Variants in CACNA2D3 observed in about 807,000 individuals in gnomAD.
CACNA2D3 encodes calcium voltage-gated channel auxiliary subunit alpha2delta 3.
In CACNA2D3, 60 loss-of-function variants were observed where a neutral mutation model predicts 160.6. The observed-to-expected ratio is 0.37, with a 90% CI of 0.30 to 0.46. The LOEUF (loss-of-function observed/expected upper bound fraction) is 0.46. Among genes scored for constraint, CACNA2D3 ranks in the 20% least tolerant of loss-of-function variants. The pLI is 1.00. For missense variants in CACNA2D3, 1,205 were observed against 1,365.0 expected, an observed-to-expected ratio of 0.88 and a Z score of 1.85; for synonymous variants, 558 against 492.9, an observed-to-expected ratio of 1.13 and a Z score of -1.75.
chr3:54,653,128 A>C (rs984216372), intron 11 of CACNA2D3, among the ~76,000 whole-genome samples: 1 of 152,118 alleles, frequency 6.6e-6, no homozygotes, highest in African/African-American at 2.4e-5. Flanking sequence ...CTGTTTTCAG[A>C]AGGGCTCTCT....
At chr3:54,739,202 C>A (rs1701590953) in intron 11 of CACNA2D3, among the ~76,000 whole-genome samples, 1 of 151,770 alleles carries the variant, frequency 6.6e-6, no homozygotes, top group South Asian at 2.1e-4. Context: ...AGTGGATCAC[C>A]TGAGGTCAGG....
chr3:54,462,496 T>C (rs966313700), intron 4 of CACNA2D3, among the ~76,000 whole-genome samples: 4 of 152,218 alleles, frequency 2.6e-5, no homozygotes, highest in South Asian at 2.1e-4. Flanking sequence ...TAGTTAGCTC[T>C]TCTTGTTGAA....
At position 54,356,470 on chromosome 3, in the gene CACNA2D3, C is replaced by T. The variant is rs137991293; in HGVS notation, c.322-30245C>T. Among the ~76,000 whole-genome samples the T allele has an allele frequency of 4.4e-3, 663 of 152,262 alleles. 7 individuals are homozygous for T. Among genetic ancestry groups the T allele is most frequent in the African/African-American group, 0.014 (599 of 41,530 alleles). On this transcript the variant is annotated intron_variant, in intron 3 of 37. Transcript: ENST00000474759. ...GTACCTAATGAATCTTTATTGGCACCGAGGTCTAACCTTGACACAGTGTGG... is the reference window on the plus strand; with the variant it reads ...GTACCTAATGAATCTTTATTGGCACTGAGGTCTAACCTTGACACAGTGTGG...
In CACNA2D3 at chr3:54,497,670, T is replaced by G. The variant is rs564455875; in HGVS notation, c.382-5822T>G. On this transcript the variant is annotated intron_variant, in intron 4 of 37. Transcript: ENST00000474759. ...ACAGAAGTGGTAAGACAACCTTGCC[T>G]TATTCCTGATCTTAGGGGGAAAACA... 2.0e-5 allele frequency among the ~76,000 whole-genome samples: 3 copies of G among 152,164 alleles called. No homozygotes were observed. The East Asian group carries it at 5.8e-4, about 29-fold the overall frequency.
At chr3:54,656,104 A>G (rs1030300646) in intron 11 of CACNA2D3, among the ~76,000 whole-genome samples, 2 of 152,182 alleles carry the variant, frequency 1.3e-5, no homozygotes, top group African/African-American at 4.8e-5. Context: ...ATTATGGTCC[A>G]TGGGACCCTG....
intron 2 of CACNA2D3, among the ~76,000 whole-genome samples, chr3:54,159,813 G>C (rs949922715): frequency 6.6e-6 from 1 of 152,036 alleles, no homozygotes; most frequent in Non-Finnish European, 1.5e-5. Flanking sequence ...TTGCAATTTG[G>C]GGGAGATAGA....
chr3:54,809,818 A>G (rs777636272), intron 13 of CACNA2D3, among the ~76,000 whole-genome samples: 12 of 151,016 alleles, frequency 7.9e-5, no homozygotes, highest in Non-Finnish European at 1.6e-4. Context: ...CAACAAATAT[A>G]CACTGAATTC....
rs149041764 is a variant in CACNA2D3 at position 54,603,684 on chromosome 3, C to T, written c.963+21807C>T. ...AAGAGGAGCACATCCACAGCAATGA[C>T]GCTTTGTCTGTGGAATGATGTTTTC... On this transcript the variant is annotated intron_variant, in intron 9 of 37. Coordinates refer to ENST00000474759, the MANE Select transcript of CACNA2D3 (RefSeq NM_018398.3). Among the ~76,000 whole-genome samples, 314 of 152,328 alleles carry T rather than the reference C, an allele frequency of 2.1e-3. 1 individual carries two copies. The highest frequency in any genetic ancestry group is 6.4e-3 in the African/African-American group (264 of 41,574).
intron 13 of CACNA2D3, among the ~76,000 whole-genome samples, chr3:54,790,515 A>G (rs1702732159): frequency 6.6e-6 from 1 of 152,210 alleles, no homozygotes; most frequent in African/African-American, 2.4e-5. Flanking sequence ...TGTGTCATCT[A>G]AAGGTATTTG....
chr3:54,246,271 G>C (rs1702074178), intron 2 of CACNA2D3, among the ~76,000 whole-genome samples: 1 of 152,148 alleles, frequency 6.6e-6, no homozygotes, highest in Non-Finnish European at 1.5e-5. Flanking sequence ...TCTTAGATAG[G>C]TTCCTCTATT....
chr3:54,745,114 A>G (rs1701729782), intron 11 of CACNA2D3, among the ~76,000 whole-genome samples: 1 of 152,242 alleles, frequency 6.6e-6, no homozygotes, highest in Admixed American at 6.5e-5. Flanking sequence ...AAGGCATGCC[A>G]TACCATGAAG....
At chr3:54,217,238 A>T (rs1304954876) in intron 2 of CACNA2D3, among the ~76,000 whole-genome samples, 1 of 152,042 alleles carries the variant, frequency 6.6e-6, no homozygotes, top group Non-Finnish European at 1.5e-5. Context: ...GGGGACAGGC[A>T]TGGTCTCTGG....
chr3:54,190,155 G>A (rs1239381645), intron 2 of CACNA2D3, among the ~76,000 whole-genome samples: 1 of 152,160 alleles, frequency 6.6e-6, no homozygotes, highest in African/African-American at 2.4e-5. Context: ...TTATTCCTAT[G>A]GGTGGAGCCC....
intron 4 of CACNA2D3, among the ~76,000 whole-genome samples, chr3:54,493,264 A>G (rs1279200770): frequency 1.3e-5 from 2 of 151,684 alleles, no homozygotes; most frequent in Non-Finnish European, 2.9e-5. Context: ...TTTAATAGAG[A>G]CAGGGTTTCA....
chr3:55,046,024 A>C (rs534735847), intron 35 of CACNA2D3, among the ~76,000 whole-genome samples: 1 of 152,116 alleles, frequency 6.6e-6, no homozygotes, highest in Non-Finnish European at 1.5e-5. Context: ...ATTTAATATT[A>C]GAAATTTTCT....
At chr3:54,696,164 T>G (rs1206521604) in intron 11 of CACNA2D3, among the ~76,000 whole-genome samples, 1 of 152,174 alleles carries the variant, frequency 6.6e-6, no homozygotes, top group Non-Finnish European at 1.5e-5. Flanking sequence ...GTAGTTTCCA[T>G]TATAGTTGCC....
intron 27 of CACNA2D3, among the ~76,000 whole-genome samples, chr3:54,917,231 G>C (rs1376269474): frequency 6.6e-6 from 1 of 152,136 alleles, no homozygotes; most frequent in Non-Finnish European, 1.5e-5. Context: ...TAAATAGCCA[G>C]CTCCCCTACT....
intron 4 of CACNA2D3, among the ~76,000 whole-genome samples, chr3:54,437,997 G>A (rs1229066066): frequency 6.6e-6 from 1 of 152,144 alleles, no homozygotes; most frequent in Non-Finnish European, 1.5e-5. Context: ...TTTACACAGT[G>A]TATATATGAG....
chr3:54,326,406 G>A (rs1704122537), intron 3 of CACNA2D3, among the ~76,000 whole-genome samples: 1 of 152,118 alleles, frequency 6.6e-6, no homozygotes, highest in Non-Finnish European at 1.5e-5. Context: ...TATATACAGT[G>A]AGGCATGAAA....
Sources: allele counts gnomAD v4.1 joint callset (sites outside exome capture counted in the v4.1 genomes callset), GRCh38; gene constraint gnomAD v4.1.1; transcripts MANE v1.5; gene names NCBI Gene and HGNC (gene_info 2026-07-23, HGNC 2026-07-21).